N4BP2: variants seen among roughly 807,000 people sequenced by gnomAD.
The protein encoded by N4BP2 is NEDD4 binding protein 2, also known as NEDD4-binding protein 2.
In N4BP2, 91 loss-of-function variants were observed where a neutral mutation model predicts 152.8. The observed-to-expected ratio is 0.60, with a 90% confidence interval of 0.50 to 0.71. The LOEUF is 0.71. Ranked by LOEUF, N4BP2 falls within the 30% of genes least tolerant of loss-of-function variation. The pLI is 0.00. For synonymous variants in N4BP2, 646 were observed against 705.3 expected, an observed-to-expected ratio of 0.92 and a Z score of 1.33; for missense variants, 1,923 against 2,059.1, an observed-to-expected ratio of 0.93 and a Z score of 1.28.
rs1715787810 is a variant in N4BP2, at chr4:40,102,621, G to A, written c.776G>A (p.Cys259Tyr). The A allele has an allele frequency of 1.2e-6, 2 of 1,614,166 alleles. No individual in the cohort carries two copies. The highest frequency in any genetic ancestry group is 1.7e-6 in the Non-Finnish European group (2 of 1,180,036). ...LNVASDSIAG[C>Y]SSLNQKQKEL... ...GTAGCAAGTGACTCCATCGCAGGTT[G>A]TAGCAGTCTCAATCAAAAACAGAAA... Residue 259 changes from cysteine (C) to tyrosine (Y), a missense_variant, in exon 4 of 18, where the codon TGT (cysteine) becomes TAT (tyrosine). Cys to Tyr is a radical substitution (Grantham distance 194). Coordinates refer to ENST00000261435, the MANE Select transcript of N4BP2 (RefSeq NM_018177.6).
intron 16 of N4BP2, among the ~76,000 whole-genome samples, chr4:40,145,990 C>T (rs1241660279): frequency 2.0e-5 from 3 of 151,726 alleles, no homozygotes; most frequent in African/African-American, 7.3e-5. Flanking sequence ...GGTGAAACCC[C>T]GTCTCTACTA....
chr4:40,112,247 A>T, intron 6 of N4BP2, 75 bp downstream of exon 6: 1 of 862,336 alleles, frequency 1.2e-6, no homozygotes, highest in Non-Finnish European at 1.9e-6. Flanking sequence ...ATGAAAGTGA[A>T]TCTGAAGCAC....
At chr4:40,165,844 AT>A in the N4BP2 span, among the ~76,000 whole-genome samples, 3 of 152,178 alleles carry the variant, frequency 2.0e-5, no homozygotes, top group African/African-American at 7.2e-5. Flanking sequence ...TTCCCTTCAT[AT>A]TCTTTCTGTC....
chr4:40,172,064 AC>A, the N4BP2 span, among the ~76,000 whole-genome samples: 11 of 151,994 alleles, frequency 7.2e-5, no homozygotes, highest in African/African-American at 2.7e-4. Context: ...GCGCCACCAC[AC>A]CTGGCTAATT....
the N4BP2 span, among the ~76,000 whole-genome samples, chr4:40,178,056 A>T: frequency 6.6e-6 from 1 of 152,152 alleles, no homozygotes; most frequent in East Asian, 1.9e-4. Flanking sequence ...GCTACTCAGG[A>T]GGCTGAGGCA....
Position 40,122,332 on chromosome 4 carries a change from T to C in N4BP2, c.4198+23T>C, listed in dbSNP as rs370691315. 11 of 1,468,688 alleles carry C rather than the reference T, an allele frequency of 7.5e-6. No homozygotes were observed. The African/African-American group carries it at 9.9e-5, about 13-fold the overall frequency. 91.0% of individuals were successfully genotyped at this position (1,468,688 alleles called of 1,614,324 possible). A position where few individuals can be genotyped will look rare whatever the true frequency, so the allele number is the denominator to read the frequency against. On this transcript the variant is annotated intron_variant, in intron 9 of 17. Coordinates refer to ENST00000261435, the MANE Select transcript of N4BP2 (RefSeq NM_018177.6). ...CAGGTAAGGAAAAAGTAAATGACCA[T>C]GTGTGTGTCTTTGTGTGACTAGACT...
the N4BP2 span, among the ~76,000 whole-genome samples, chr4:40,184,201 T>C: frequency 6.6e-6 from 1 of 152,316 alleles, no homozygotes; most frequent in African/African-American, 2.4e-5. Flanking sequence ...ACGTGGGACT[T>C]ACTGTGGAGA....
intron 1 of N4BP2, among the ~76,000 whole-genome samples, chr4:40,070,061 T>G (rs552861666): frequency 6.6e-6 from 1 of 152,308 alleles, no homozygotes; most frequent in South Asian, 2.1e-4. Context: ...TTTTAAAAAC[T>G]TTCATTAGGA....
chr4:40,189,627 G>A, the N4BP2 span, among the ~76,000 whole-genome samples: 1 of 152,094 alleles, frequency 6.6e-6, no homozygotes, highest in Non-Finnish European at 1.5e-5. The surrounding 1 kb of genome is among the most constrained non-coding windows in gnomAD (Gnocchi z 4.3). Flanking sequence ...GGTGGCTCAC[G>A]CCTGTAATCC....
At chr4:40,150,113 C>G (rs1017270004) in intron 16 of N4BP2, among the ~76,000 whole-genome samples, 2 of 152,114 alleles carry the variant, frequency 1.3e-5, no homozygotes, top group African/African-American at 2.4e-5. Context: ...ATTTGTGGCT[C>G]TGACCTGCAT....
At chr4:40,137,785 A>G (rs1251101648) in intron 14 of N4BP2, among the ~76,000 whole-genome samples, 2 of 152,124 alleles carry the variant, frequency 1.3e-5, no homozygotes, top group African/African-American at 4.8e-5. Flanking sequence ...ATGGGAAGGA[A>G]TGGGTAAGGC....
chr4:40,120,500 A>AT lies in N4BP2; in HGVS notation c.2391dup (p.Gly798TrpfsTer11). ...TGGTGACTGGCCAGTTGATAAGACT[A>AT]TTGGTCAGAGGACAAAAAGGAACAG... On this transcript the variant is annotated frameshift_variant, in exon 9 of 18. Transcript: ENST00000261435. LOFTEE classifies it high-confidence loss of function. 6.2e-7 allele frequency: 1 copy of AT among 1,613,722 alleles called. No individual in the cohort carries two copies.
chr4:40,085,385 A>G (rs372828534), intron 2 of N4BP2, among the ~76,000 whole-genome samples: 1 of 152,202 alleles, frequency 6.6e-6, no homozygotes, highest in African/African-American at 2.4e-5. Flanking sequence ...GAATACTTTG[A>G]TGTGGGTCTA....
chr4:40,177,954 GA>G, the N4BP2 span, among the ~76,000 whole-genome samples: 1 of 152,074 alleles, frequency 6.6e-6, no homozygotes, highest in African/African-American at 2.4e-5. Flanking sequence ...GAGAGCAACA[GA>G]AAACAGAAAG....
At chr4:40,164,826 A>G in the N4BP2 span, among the ~76,000 whole-genome samples, 5 of 152,188 alleles carry the variant, frequency 3.3e-5, no homozygotes, top group East Asian at 1.9e-4. Context: ...ATAGGCTTAT[A>G]CATTGCCCAT....
intron 2 of N4BP2, among the ~76,000 whole-genome samples, chr4:40,081,365 G>C (rs896688190): frequency 6.6e-6 from 1 of 152,120 alleles, no homozygotes; most frequent in Admixed American, 6.6e-5. Context: ...TACAGTGAAG[G>C]CCGGGCGAGG....
intron 4 of N4BP2, among the ~76,000 whole-genome samples, chr4:40,103,941 A>G (rs888436952): frequency 4.3e-4 from 65 of 151,976 alleles, no homozygotes; most frequent in African/African-American, 1.4e-3. Context: ...GATTTCACCT[A>G]ATCTATTTTA....
chr4:40,106,704 G>A (rs192576853), intron 4 of N4BP2, among the ~76,000 whole-genome samples, 196 bp from the exon 5 acceptor site: 265 of 152,038 alleles, frequency 1.7e-3, no homozygotes, highest in African/African-American at 5.9e-3. Context: ...GCATGCCACC[G>A]TACCTGGCTA....
intron 12 of N4BP2, among the ~76,000 whole-genome samples, chr4:40,130,417 C>A (rs1718809308): frequency 6.6e-6 from 1 of 152,238 alleles, no homozygotes; most frequent in South Asian, 2.1e-4. Flanking sequence ...CATATTGTTA[C>A]CTCTTGTGGT....
Sources: gnomAD v4.1 joint callset for allele counts (sites outside exome capture counted in the v4.1 genomes callset) on GRCh38, gnomAD v4.1.1 for gene constraint, Gnocchi (gnomAD v3.1) non-coding constraint, MANE v1.5 for transcripts, NCBI Gene and HGNC (gene_info 2026-07-23, HGNC 2026-07-21) for gene names.